The following ELK4 variants were observed in gnomAD, a reference collection of about 807,000 sequenced individuals.
ELK4 encodes the protein ETS transcription factor ELK4.
ELK4 carries 16 observed loss-of-function variants against 29.6 expected under a neutral mutation model. The observed-to-expected ratio is 0.54, with a 90% CI of 0.37 to 0.82. The LOEUF is 0.82. ELK4 is among the 40% of genes least tolerant of loss of function. The pLI, the probability that ELK4 is intolerant of heterozygous loss-of-function variation, is 0.00. For missense variants in ELK4, 465 were observed against 507.1 expected (o/e 0.92, Z 0.80); for synonymous variants, 213 against 191.1 (o/e 1.11, Z -0.95).
chr1:205,616,560 G>C lies in ELK4; in HGVS notation c.1282C>G (p.Leu428Val). ...PSTPGPFSPDLQKT is the reference protein window; with the variant it reads ...PSTPGPFSPDVQKT Reference sequence around the variant, plus strand: ...AAGTGCATAGGTTATGTCTTCTGTAGGTCTGGGGAAAATGGGCCAGGGGTG... The same window carrying C: ...AAGTGCATAGGTTATGTCTTCTGTACGTCTGGGGAAAATGGGCCAGGGGTG... Residue 428 changes from leucine to valine, a missense_variant, in exon 5 of 5, where the codon CTA becomes GTA. Transcript: ENST00000357992. 2 of 1,614,146 alleles carry C rather than the reference G, an allele frequency of 1.2e-6. No individual in the cohort carries two copies. Among genetic ancestry groups the C allele is most frequent in the Non-Finnish European group, 8.5e-7 (1 of 1,180,006 alleles).
intron 2 of ELK4, among the ~76,000 whole-genome samples, 186 bp from the exon 3 acceptor site, chr1:205,621,024 G>A (rs11577251): frequency 0.25 from 37,183 of 151,104 alleles, 4,975 homozygotes; most frequent in Non-Finnish European, 0.3. Flanking sequence ...GTGAAACCCC[G>A]TCTCCACTAA....
At position 205,612,520 on chromosome 1, in the gene ELK4, T is replaced by C. The variant is rs1316767034; in HGVS notation, c.*4026A>G. 1 of 214,004 alleles carries C rather than the reference T, an allele frequency of 4.7e-6. No homozygotes were observed. The highest frequency in any genetic ancestry group is 7.0e-5 in the East Asian group (1 of 14,304). The allele number at this position is 214,004 out of a possible 1,614,324, so 13.3% of individuals were successfully genotyped here. On this transcript the variant is annotated 3_prime_UTR_variant, in exon 5 of 5. Coordinates refer to ENST00000357992, the MANE Select transcript of ELK4 (RefSeq NM_001973.4). Reference sequence around the variant, plus strand: ...GAATTTTTAATAGGGAAAGTTTTTATGTTCAATAACTCTTACTGATCAATT... The same window carrying C: ...GAATTTTTAATAGGGAAAGTTTTTACGTTCAATAACTCTTACTGATCAATT...
chr1:205,609,087 G>T lies in ELK4; in HGVS notation c.*7459C>A, dbSNP rs1446447824. The T allele has an allele frequency of 5.3e-6, 1 of 188,500 alleles. No homozygotes were observed. The highest frequency in any genetic ancestry group is 8.5e-5 in the East Asian group (1 of 11,762). The allele number at this position is 188,500 out of a possible 1,614,324, so 11.7% of individuals were successfully genotyped here. ...ACTGTGGTTAAATCACTTGGTGTATGGAATTTAAAATAATCTAACCTAGAG... is the reference window on the plus strand; with the variant it reads ...ACTGTGGTTAAATCACTTGGTGTATTGAATTTAAAATAATCTAACCTAGAG... On this transcript the variant is annotated 3_prime_UTR_variant, in exon 5 of 5. Coordinates refer to ENST00000357992, the MANE Select transcript of ELK4 (RefSeq NM_001973.4).
chr1:205,620,680 A>C lies in ELK4; in HGVS notation c.366T>G (p.Asn122Lys). 6.2e-7 allele frequency: 1 copy of C among 1,614,098 alleles called. No individual in the cohort carries two copies. The highest frequency in any genetic ancestry group is 8.5e-7 in the Non-Finnish European group (1 of 1,180,026). The change falls in exon 3 of 5, where the codon AAT becomes AAG. Residue 122 changes from asparagine (N) to lysine (K), a missense_variant. Asn to Lys is a moderately conservative substitution (Grantham distance 94). Coordinates refer to ENST00000357992, the MANE Select transcript of ELK4 (RefSeq NM_001973.4). The part of the protein sequence containing the change: ...EVSSSSKDVE[N>K]GGKDKPPQPG... The stretch of plus-strand genomic sequence containing the variant: ...GCTGAGGTGGTTTATCTTTCCCTCC[A>C]TTCTCCACATCTTTGGAACTGCTGC...
rs1473674274 is a variant in ELK4, at chr1:205,614,209, T to C, written c.*2337A>G. ...GGAAGTTGCTTCAACTGAGTTTCAATGGTGCCCTTGGTTCCAAGGTACCTC... is the reference window on the plus strand; with the variant it reads ...GGAAGTTGCTTCAACTGAGTTTCAACGGTGCCCTTGGTTCCAAGGTACCTC... On this transcript the variant is annotated 3_prime_UTR_variant, in exon 5 of 5. Coordinates refer to ENST00000357992, the MANE Select transcript of ELK4 (RefSeq NM_001973.4). The C allele has an allele frequency of 4.6e-6, 1 of 219,680 alleles. No homozygotes were observed. Among genetic ancestry groups the C allele is most frequent in the Admixed American group, 5.8e-5 (1 of 17,284 alleles). The allele number at this position is 219,680 out of a possible 1,614,324, so 13.6% of individuals were successfully genotyped here. A position where few individuals can be genotyped will look rare whatever the true frequency, so the allele number is the denominator to read the frequency against.
At chr1:205,622,336 A>T (rs1455337530) in intron 2 of ELK4, among the ~76,000 whole-genome samples, 1 of 152,264 alleles carries the variant, frequency 6.6e-6, no homozygotes, top group Non-Finnish European at 1.5e-5. Context: ...TCCCTGGGTT[A>T]AACTAAAACT....
At chr1:205,621,485 T>A (rs1245259136) in intron 2 of ELK4, among the ~76,000 whole-genome samples, 1 of 152,192 alleles carries the variant, frequency 6.6e-6, no homozygotes, top group Non-Finnish European at 1.5e-5. Context: ...TCCAAAGGTA[T>A]AAGCCATACA....
chr1:205,628,312 C>T (rs1670506393), intron 1 of ELK4, among the ~76,000 whole-genome samples: 1 of 152,132 alleles, frequency 6.6e-6, no homozygotes, highest in Admixed American at 6.6e-5. Flanking sequence ...TACAGTTTTC[C>T]CACTTAAACA....
chr1:205,623,819 G>A lies in ELK4; in HGVS notation c.64C>T (p.His22Tyr), dbSNP rs748466450. 8 of 1,614,168 alleles carry A rather than the reference G, an allele frequency of 5.0e-6. No homozygotes were observed. The highest frequency in any genetic ancestry group is 5.9e-6 in the Non-Finnish European group (7 of 1,180,016). The change falls in exon 2 of 5, where the codon CAC (histidine) becomes TAC (tyrosine). Residue 22 changes from histidine (H) to tyrosine (Y), a missense_variant. Transcript: ENST00000357992. ...TCATTAGAGGTCCAACAGATCATGT[G>A]CTTGTTCTGAGGCTTCTGCAGGAGC... ...LQLLQKPQNK[H>Y]MICWTSNDGQ...
At chr1:205,626,776 T>C (rs957120068) in intron 1 of ELK4, among the ~76,000 whole-genome samples, 5 of 152,182 alleles carry the variant, frequency 3.3e-5, no homozygotes, top group Non-Finnish European at 7.3e-5. Flanking sequence ...GTTTAATACA[T>C]GACTCAACAA....
intron 1 of ELK4, among the ~76,000 whole-genome samples, chr1:205,625,290 C>T (rs527584758): frequency 8.2e-4 from 17 of 20,620 alleles, no homozygotes; most frequent in African/African-American, 2.9e-3. Context: ...AAAACGCCTA[C>T]GACTAAAAAA....
At chr1:205,629,995 A>G (rs1670545995) in intron 1 of ELK4, among the ~76,000 whole-genome samples, 1 of 152,148 alleles carries the variant, frequency 6.6e-6, no homozygotes, top group Non-Finnish European at 1.5e-5. Flanking sequence ...ACACCACATC[A>G]CTGCACTCCA....
intron 1 of ELK4, among the ~76,000 whole-genome samples, 189 bp from the exon 2 acceptor site, chr1:205,624,080 A>G (rs1370110772): frequency 6.6e-6 from 1 of 152,224 alleles, no homozygotes; most frequent in Non-Finnish European, 1.5e-5. Context: ...GAACTTGTAC[A>G]ACATCACACA....
chr1:205,630,730 A>C (rs1670564675), intron 1 of ELK4, among the ~76,000 whole-genome samples: 2 of 152,242 alleles, frequency 1.3e-5, no homozygotes, highest in Admixed American at 6.5e-5. Context: ...TTTAAGTAAA[A>C]TCAAAGAGAA....
In ELK4 at chr1:205,611,913, T is replaced by C. The variant is rs1257330410; in HGVS notation, c.*4633A>G. 1.1e-5 allele frequency: 2 copies of C among 186,636 alleles called. No homozygotes were observed. The highest frequency in any genetic ancestry group is 2.3e-5 in the Non-Finnish European group (2 of 88,316). The allele number at this position is 186,636 out of a possible 1,614,324, so 11.6% of individuals were successfully genotyped here. On this transcript the variant is annotated 3_prime_UTR_variant, in exon 5 of 5. Transcript: ENST00000357992. ...AAGTATTCCTTTAGTTGCTGAAATA[T>C]CAGATTTTAAAAATCAAAAACTTAT...
chr1:205,619,297 G>A, intron 3 of ELK4: 1 of 1,037,422 alleles, frequency 9.6e-7, no homozygotes, highest in Non-Finnish European at 1.2e-6. Context: ...TATTTCAATA[G>A]TTTTTGGGGG....
rs1670149511 is a variant in ELK4, at chr1:205,611,436, A to G, written c.*5110T>C. 9.5e-6 allele frequency: 2 copies of G among 209,462 alleles called. No homozygotes were observed. Among genetic ancestry groups the G allele is most frequent in the Non-Finnish European group, 1.9e-5 (2 of 103,066 alleles). The allele number at this position is 209,462 out of a possible 1,614,324, so 13.0% of individuals were successfully genotyped here. On this transcript the variant is annotated 3_prime_UTR_variant, in exon 5 of 5. Coordinates refer to ENST00000357992, the MANE Select transcript of ELK4 (RefSeq NM_001973.4). Reference sequence around the variant, plus strand: ...CAGTAAGCAGAGTTCTGATGACATAAGAGGAATAACAGGGCACTTTGTTTC... The same window carrying G: ...CAGTAAGCAGAGTTCTGATGACATAGGAGGAATAACAGGGCACTTTGTTTC...
chr1:205,620,886 A>G (rs1286887046), intron 2 of ELK4, 48 bp from the exon 3 acceptor site: 2 of 1,527,928 alleles, frequency 1.3e-6, no homozygotes, highest in Non-Finnish European at 1.7e-6. Context: ...ATAAACTTAT[A>G]TCCCATAGTT....
At position 205,610,534 on chromosome 1, in the gene ELK4, C is replaced by T. The variant is rs1670136072; in HGVS notation, c.*6012G>A. The T allele has an allele frequency of 4.4e-6, 1 of 229,194 alleles. No individual in the cohort carries two copies. Among genetic ancestry groups the T allele is most frequent in the South Asian group, 1.8e-4 (1 of 5,478 alleles). The allele number at this position is 229,194 out of a possible 1,614,324, so 14.2% of individuals were successfully genotyped here. A position where few individuals can be genotyped will look rare whatever the true frequency, so the allele number is the denominator to read the frequency against. On this transcript the variant is annotated 3_prime_UTR_variant, in exon 5 of 5. Coordinates refer to ENST00000357992, the MANE Select transcript of ELK4 (RefSeq NM_001973.4). ...TTTTAAGAAAGGACATCCTTATTTG[C>T]TCAATAATACATGAACCTAAGAGAA...
Sources: gnomAD v4.1 joint callset for allele counts (sites outside exome capture counted in the v4.1 genomes callset) on GRCh38, gnomAD v4.1.1 for gene constraint, MANE v1.5 for transcripts, NCBI Gene and HGNC (gene_info 2026-07-23, HGNC 2026-07-21) for gene names.